The following LONP2 variants were observed in gnomAD, a reference collection of about 807,000 sequenced individuals.
LONP2 encodes lon peptidase 2, peroxisomal, also known as lon protease homolog 2, peroxisomal.
In LONP2, 60 loss-of-function variants were observed where a neutral mutation model predicts 85.6. The observed-to-expected ratio is 0.70, with a 90% CI of 0.57 to 0.87. LONP2 has a LOEUF of 0.87. LONP2 is among the 40% of genes least tolerant of loss of function. The probability of loss-of-function intolerance (pLI) is 0.00; values close to 1 mark genes in which losing one functional copy is unlikely to be tolerated. For synonymous variants in LONP2, 395 were observed against 389.7 expected (o/e 1.01, Z -0.16); for missense variants, 860 against 1,063.5 (o/e 0.81, Z 2.66).
intron 12 of LONP2, 73 bp downstream of exon 12, chr16:48,334,431 G>C: frequency 6.3e-7 from 1 of 1,583,564 alleles, no homozygotes; most frequent in Non-Finnish European, 8.7e-7. Flanking sequence ...CAGGGCCGTA[G>C]GGCCTGGGCA....
chr16:48,315,242 A>G (rs567324741), intron 11 of LONP2, among the ~76,000 whole-genome samples: 6 of 152,276 alleles, frequency 3.9e-5, no homozygotes, highest in African/African-American at 9.6e-5. Context: ...TGCCTGTTTG[A>G]CTTTGTTAAC....
At chr16:48,264,116 A>G (rs1971936463) in intron 6 of LONP2, among the ~76,000 whole-genome samples, 1 of 152,234 alleles carries the variant, frequency 6.6e-6, no homozygotes, top group Non-Finnish European at 1.5e-5. Flanking sequence ...CTCCGAGGCG[A>G]AATTAAAATT....
At chr16:48,245,905 ACT>A (rs1450152559) in intron 1 of LONP2, among the ~76,000 whole-genome samples, 2 of 151,290 alleles carry the variant, frequency 1.3e-5, no homozygotes, top group African/African-American at 2.4e-5. Context: ...CCTATTCCTA[ACT>A]CTACTGGAGG....
chr16:48,285,767 A>C (rs916763619), intron 8 of LONP2, among the ~76,000 whole-genome samples: 10 of 152,052 alleles, frequency 6.6e-5, no homozygotes, highest in African/African-American at 2.4e-4. Context: ...TTTAGACATG[A>C]TTTCCTTTAG....
intron 12 of LONP2, among the ~76,000 whole-genome samples, chr16:48,342,065 C>T (rs1959829327): frequency 6.6e-6 from 1 of 152,152 alleles, no homozygotes; most frequent in South Asian, 2.1e-4. Flanking sequence ...GGACATTAGG[C>T]ACCTCCAAAG....
At chr16:48,256,153 T>C (rs1334208316) in intron 2 of LONP2, among the ~76,000 whole-genome samples, 2 of 152,210 alleles carry the variant, frequency 1.3e-5, no homozygotes, top group Non-Finnish European at 2.9e-5. Flanking sequence ...AATAAGGATC[T>C]CGATTCTGCA....
intron 5 of LONP2, among the ~76,000 whole-genome samples, chr16:48,262,252 G>A (rs772483916): frequency 2.0e-5 from 3 of 152,062 alleles, no homozygotes; most frequent in African/African-American, 7.3e-5. Flanking sequence ...TTGCTTTTAT[G>A]AGCAGACCTC....
At chr16:48,263,815 C>T (rs1567313159) in intron 6 of LONP2, among the ~76,000 whole-genome samples, 1 of 152,126 alleles carries the variant, frequency 6.6e-6, no homozygotes, top group East Asian at 1.9e-4. Context: ...GGGGACCTGC[C>T]CCAATAATCA....
chr16:48,346,970 G>A (rs976759608), intron 12 of LONP2, among the ~76,000 whole-genome samples: 2 of 152,022 alleles, frequency 1.3e-5, no homozygotes, highest in African/African-American at 2.4e-5. Context: ...GGCCAACATG[G>A]TGAGACCACA....
Position 48,261,499 on chromosome 16 carries a change from A to G in LONP2, c.799A>G (p.Asn267Asp). ...AGAAGATGAAGATGAAGATGAAGATAATGATGACATTGTCATGCTAGAGAA... is the reference window on the plus strand; with the variant it reads ...AGAAGATGAAGATGAAGATGAAGATGATGATGACATTGTCATGCTAGAGAA... The part of the protein sequence containing the change: ...TLEDEDEDED[N>D]DDIVMLEKKI... Residue 267 changes from asparagine (N) to aspartate (D), a missense_variant, in exon 5 of 15, where the codon AAT becomes GAT. Coordinates refer to ENST00000285737, the MANE Select transcript of LONP2 (RefSeq NM_031490.5). 6.2e-7 allele frequency: 1 copy of G among 1,607,974 alleles called. No individual in the cohort carries two copies. Among genetic ancestry groups the G allele is most frequent in the Non-Finnish European group, 8.5e-7 (1 of 1,176,528 alleles).
At chr16:48,277,198 T>C in intron 7 of LONP2, 140 bp from the exon 8 acceptor site, 1 of 681,698 alleles carries the variant, frequency 1.5e-6, no homozygotes. Context: ...TCATAGTGCC[T>C]TTTAAATACA....
intron 2 of LONP2, 29 bp from the exon 3 acceptor site, chr16:48,256,581 A>C (rs756252897): frequency 2.5e-6 from 4 of 1,606,658 alleles, no homozygotes; most frequent in African/African-American, 1.3e-5. Context: ...GCCAGATTTC[A>C]TTTAAAAGAC....
At chr16:48,280,170 A>G (rs1972296418) in intron 8 of LONP2, among the ~76,000 whole-genome samples, 2 of 152,304 alleles carry the variant, frequency 1.3e-5, no homozygotes, top group South Asian at 2.1e-4. Flanking sequence ...AAAATAGTGA[A>G]CATTATTTAA....
At chr16:48,329,963 A>G (rs1000021775) in intron 11 of LONP2, among the ~76,000 whole-genome samples, 1 of 152,192 alleles carries the variant, frequency 6.6e-6, no homozygotes, top group African/African-American at 2.4e-5. Flanking sequence ...CCCTAAGGAT[A>G]GATTGCTGCA....
chr16:48,244,455 C>T lies in LONP2; in HGVS notation c.67C>T (p.Leu23=), dbSNP rs1971219644. 1.3e-6 allele frequency: 2 copies of T among 1,596,666 alleles called. No homozygotes were observed. The highest frequency in any genetic ancestry group is 1.3e-5 in the African/African-American group (1 of 74,174). The change falls in exon 1 of 15, where the codon CTG becomes TTG. Residue 23 remains leucine (L), a synonymous_variant. Coordinates refer to ENST00000285737, the MANE Select transcript of LONP2 (RefSeq NM_031490.5). ...GCTGCTGCTCACCCACGAGGGCGTC[C>T]TGCTGCCCGGCTCCACCATGCGCAC... ...LPLLLTHEGV[L]LPGSTMRTSV...
intron 11 of LONP2, among the ~76,000 whole-genome samples, chr16:48,312,469 T>C (rs183435754): frequency 4.3e-4 from 65 of 152,298 alleles, no homozygotes; most frequent in African/African-American, 1.4e-3. Context: ...GGACTTTCTT[T>C]CCCTTGAGGA....
intron 8 of LONP2, among the ~76,000 whole-genome samples, chr16:48,291,750 C>T (rs1322819487): frequency 6.6e-6 from 1 of 152,184 alleles, no homozygotes; most frequent in African/African-American, 2.4e-5. Context: ...TTGTAATTTT[C>T]GTCCTTCCAT....
intron 11 of LONP2, among the ~76,000 whole-genome samples, chr16:48,307,924 G>C (rs1258561873): frequency 6.6e-6 from 1 of 152,138 alleles, no homozygotes; most frequent in Non-Finnish European, 1.5e-5. Flanking sequence ...GACAATGGGA[G>C]AGCAGGCATG....
Position 48,305,136 on chromosome 16 carries a change from T to C in LONP2, c.1795+1831T>C, listed in dbSNP as rs557474841. Among the ~76,000 whole-genome samples, 6 of 152,380 alleles carry C rather than the reference T, an allele frequency of 3.9e-5. No homozygotes were observed. In the South Asian group the frequency reaches 1.0e-3, roughly 26 times the overall value. On this transcript the variant is annotated intron_variant, in intron 11 of 14. Coordinates refer to ENST00000285737, the MANE Select transcript of LONP2 (RefSeq NM_031490.5). ...CATTTTCTCCAGAGAGCGAAGCTCCTATCTTCTGTTGGATTGGAGGGAGGC... is the reference window on the plus strand; with the variant it reads ...CATTTTCTCCAGAGAGCGAAGCTCCCATCTTCTGTTGGATTGGAGGGAGGC...
Sources: gnomAD v4.1 joint callset for allele counts (sites outside exome capture counted in the v4.1 genomes callset) on GRCh38, gnomAD v4.1.1 for gene constraint, MANE v1.5 for transcripts, NCBI Gene and HGNC (gene_info 2026-07-23, HGNC 2026-07-21) for gene names.